The following LPAR1 variants were observed in gnomAD, a reference collection of about 807,000 sequenced individuals.
The protein encoded by LPAR1 is lysophosphatidic acid receptor 1, also known as LPA receptor 1.
A neutral mutation model predicts 23.8 loss-of-function variants in LPAR1; 5 were observed. That is an observed-to-expected ratio of 0.21 (90% confidence interval 0.11 to 0.44). The LOEUF (loss-of-function observed/expected upper bound fraction) is 0.44. LPAR1 is among the 20% of genes least tolerant of loss of function. The pLI is 0.99. For synonymous variants in LPAR1, 160 were observed against 164.7 expected, an observed-to-expected ratio of 0.97 and a Z score of 0.22; for missense variants, 311 against 482.8, an observed-to-expected ratio of 0.64 and a Z score of 3.33.
intron 2 of LPAR1, among the ~76,000 whole-genome samples, chr9:110,999,641 T>A (rs2097092408): frequency 6.6e-6 from 1 of 152,146 alleles, no homozygotes; most frequent in South Asian, 2.1e-4. Context: ...GGGGTTGTGG[T>A]CTGCGATCTT....
chr9:110,970,896 G>A (rs1252026661), intron 4 of LPAR1, among the ~76,000 whole-genome samples: 2 of 152,180 alleles, frequency 1.3e-5, no homozygotes, highest in Non-Finnish European at 2.9e-5. Flanking sequence ...AGCACTTTGG[G>A]AGGCCAAGGC....
At chr9:110,954,653 G>A (rs2095676423) in intron 4 of LPAR1, among the ~76,000 whole-genome samples, 1 of 152,136 alleles carries the variant, frequency 6.6e-6, no homozygotes, top group Admixed American at 6.5e-5. Context: ...CAGGCCAGGA[G>A]AGAATGGGAT....
intron 5 of LPAR1, among the ~76,000 whole-genome samples, chr9:110,923,434 C>T (rs974805113): frequency 3.9e-5 from 6 of 152,030 alleles, no homozygotes; most frequent in South Asian, 2.1e-4. Flanking sequence ...TTCAATAAAT[C>T]GATGAGATAT....
At chr9:110,883,702 T>TG (rs1379282603) in intron 5 of LPAR1, among the ~76,000 whole-genome samples, 2 of 143,826 alleles carry the variant, frequency 1.4e-5, no homozygotes, top group Admixed American at 1.4e-4. Context: ...TATTCTCTCT[T>TG]TTGTTACAGA....
chr9:111,011,407 G>A (rs1229344329), intron 2 of LPAR1, among the ~76,000 whole-genome samples: 1 of 152,148 alleles, frequency 6.6e-6, no homozygotes, highest in Non-Finnish European at 1.5e-5. Context: ...GGCCAGCCAT[G>A]AGATCCTTGG....
At chr9:110,942,772 C>T (rs1434485745) in intron 4 of LPAR1, among the ~76,000 whole-genome samples, 1 of 152,170 alleles carries the variant, frequency 6.6e-6, no homozygotes, top group African/African-American at 2.4e-5. Flanking sequence ...CTGCCTACCC[C>T]CACAACTCCT....
chr9:110,950,262 C>T (rs1054678288), intron 4 of LPAR1, among the ~76,000 whole-genome samples: 4 of 151,946 alleles, frequency 2.6e-5, no homozygotes, highest in African/African-American at 9.7e-5. Flanking sequence ...GAATTTGAGA[C>T]CAGTCTGGAC....
chr9:110,992,185 A>G (rs2096909615), intron 2 of LPAR1, among the ~76,000 whole-genome samples: 1 of 152,210 alleles, frequency 6.6e-6, no homozygotes, highest in Non-Finnish European at 1.5e-5. Flanking sequence ...CATATAAGAA[A>G]TTTCAAAATT....
intron 5 of LPAR1, among the ~76,000 whole-genome samples, chr9:110,880,179 C>T (rs887540700): frequency 6.6e-6 from 1 of 152,130 alleles, no homozygotes; most frequent in Non-Finnish European, 1.5e-5. Context: ...GTTGTTCTTC[C>T]TTGAACAAGC....
chr9:110,967,429 T>G (rs2096262694), intron 4 of LPAR1, among the ~76,000 whole-genome samples: 1 of 152,224 alleles, frequency 6.6e-6, no homozygotes, highest in Non-Finnish European at 1.5e-5. Context: ...AATTCGTTTA[T>G]ATGTAGTATT....
chr9:110,930,264 C>A (rs975249715), intron 5 of LPAR1, among the ~76,000 whole-genome samples: 3 of 152,104 alleles, frequency 2.0e-5, no homozygotes, highest in African/African-American at 7.2e-5. Flanking sequence ...CGCCTGTAAT[C>A]CAGCACTTTG....
At chr9:110,915,910 T>C (rs1240055311) in intron 5 of LPAR1, among the ~76,000 whole-genome samples, 2 of 152,222 alleles carry the variant, frequency 1.3e-5, no homozygotes, top group Non-Finnish European at 2.9e-5. Flanking sequence ...TTCTCACTTC[T>C]GTCAATATAA....
At chr9:110,933,026 A>G (rs2094497668) in intron 5 of LPAR1, among the ~76,000 whole-genome samples, 1 of 152,218 alleles carries the variant, frequency 6.6e-6, no homozygotes, top group African/African-American at 2.4e-5. Flanking sequence ...AATAGTCAAC[A>G]CCATTTAACC....
chr9:111,008,731 C>G lies in LPAR1; in HGVS notation c.-182+27391G>C, dbSNP rs149139183. ...GAGAATTTATATCCGGACACTTGCC[C>G]TTAATAAACTGGGGATGACCTGAAT... On this transcript the variant is annotated intron_variant, in intron 2 of 5. Coordinates refer to ENST00000683809, the MANE Select transcript of LPAR1 (RefSeq NM_001351411.2). 2.4e-4 allele frequency among the ~76,000 whole-genome samples: 37 copies of G among 152,220 alleles called. 1 individual carries two copies. The highest frequency in any genetic ancestry group is 6.5e-4 in the Admixed American group (10 of 15,284).
At chr9:110,899,563 G>A (rs1588203814) in intron 5 of LPAR1, among the ~76,000 whole-genome samples, 4 of 152,138 alleles carry the variant, frequency 2.6e-5, no homozygotes, top group Admixed American at 6.5e-5. Flanking sequence ...GGAAATGATA[G>A]GGAGAGGAAG....
At chr9:110,899,596 A>T (rs749855798) in intron 5 of LPAR1, among the ~76,000 whole-genome samples, 1 of 152,164 alleles carries the variant, frequency 6.6e-6, no homozygotes, top group Admixed American at 6.6e-5. Flanking sequence ...AGTCACCTAG[A>T]CCAGTGCTTT....
At position 111,038,015 on chromosome 9, in the gene LPAR1, C is replaced by G. The variant is rs2141940629; in HGVS notation, c.-262+152G>C. On this transcript the variant is annotated intron_variant, in intron 1 of 5. Coordinates refer to ENST00000683809, the MANE Select transcript of LPAR1 (RefSeq NM_001351411.2). The surrounding 1 kb of genome is among the most constrained non-coding windows in gnomAD (Gnocchi z 4.4). ...CCCACAGCGCGCACCCACACTCTCACTGGCACTCGCACGCGCGCCCCCAAC... is the reference window on the plus strand; with the variant it reads ...CCCACAGCGCGCACCCACACTCTCAGTGGCACTCGCACGCGCGCCCCCAAC... The G allele has an allele frequency of 6.6e-6, 1 of 152,250 alleles. No homozygotes were observed. Among genetic ancestry groups the G allele is most frequent in the Non-Finnish European group, 1.5e-5 (1 of 68,084 alleles). The allele number at this position is 152,250 out of a possible 1,614,324, so 9.4% of individuals were successfully genotyped here. A position where few individuals can be genotyped will look rare whatever the true frequency, so the allele number is the denominator to read the frequency against.
intron 4 of LPAR1, 116 bp downstream of exon 4, chr9:110,971,957 A>G (rs2096437783): frequency 1.1e-6 from 1 of 876,896 alleles, no homozygotes; most frequent in Non-Finnish European, 1.9e-6. Flanking sequence ...TACACACCAA[A>G]TGATAGCGAG....
intron 2 of LPAR1, among the ~76,000 whole-genome samples, chr9:111,002,001 C>G (rs1183716477): frequency 6.6e-6 from 1 of 152,140 alleles, no homozygotes; most frequent in East Asian, 1.9e-4. Context: ...ATAGGAACTT[C>G]CATATAAAAA....
Sources: allele counts gnomAD v4.1 joint callset (sites outside exome capture counted in the v4.1 genomes callset), GRCh38; gene constraint gnomAD v4.1.1; non-coding constraint Gnocchi (gnomAD v3.1); transcripts MANE v1.5; gene names NCBI Gene and HGNC (gene_info 2026-07-23, HGNC 2026-07-21).